ADTRP: variants seen among roughly 807,000 people sequenced by gnomAD.
ADTRP encodes androgen dependent TFPI regulating protein, also known as androgen-dependent TFPI-regulating protein.
ADTRP carries 20 observed loss-of-function variants against 27.0 expected under a neutral mutation model. The observed-to-expected ratio is 0.74, with a 90% CI of 0.52 to 1.08. ADTRP has a LOEUF of 1.08. Among genes scored for constraint, ADTRP ranks in the 50% least tolerant of loss-of-function variants. ADTRP has a pLI of 0.00. For missense variants in ADTRP, 251 were observed against 275.0 expected, an observed-to-expected ratio of 0.91 and a Z score of 0.62; for synonymous variants, 101 against 105.2, an observed-to-expected ratio of 0.96 and a Z score of 0.25.
At chr6:11,727,966 G>A (rs1338457238) in intron 4 of ADTRP, among the ~76,000 whole-genome samples, 7 of 129,322 alleles carry the variant, frequency 5.4e-5, no homozygotes, top group African/African-American at 2.1e-4. Flanking sequence ...AGGCAGGGAG[G>A]GAGGGAGGTA....
intron 3 of ADTRP, among the ~76,000 whole-genome samples, chr6:11,765,164 C>T (rs1763522685): frequency 6.6e-6 from 1 of 151,846 alleles, no homozygotes; most frequent in Non-Finnish European, 1.5e-5. Flanking sequence ...GGGCTTGTGG[C>T]AGGGGCAGTG....
intron 4 of ADTRP, chr6:11,728,394 T>C (rs1762284215): frequency 6.6e-6 from 1 of 152,558 alleles, no homozygotes; most frequent in Non-Finnish European, 1.5e-5. Context: ...CCTTTGTTTC[T>C]TGAGTGAACT....
intron 4 of ADTRP, among the ~76,000 whole-genome samples, chr6:11,734,476 G>T (rs1762481994): frequency 6.6e-6 from 1 of 152,164 alleles, no homozygotes; most frequent in Admixed American, 6.5e-5. Flanking sequence ...ACTGGAGTCT[G>T]GGGGTAGATT....
At chr6:11,770,350 C>G (rs1349211702) in intron 1 of ADTRP, among the ~76,000 whole-genome samples, 2 of 152,128 alleles carry the variant, frequency 1.3e-5, no homozygotes, top group Non-Finnish European at 2.9e-5. Context: ...GGAGGAACTT[C>G]CGTTTGGAAA....
At chr6:11,737,250 T>G (rs1432719062) in intron 3 of ADTRP, among the ~76,000 whole-genome samples, 1 of 152,114 alleles carries the variant, frequency 6.6e-6, no homozygotes, top group East Asian at 1.9e-4. Context: ...CTATCATTCC[T>G]CCTTCACTCC....
intron 1 of ADTRP, among the ~76,000 whole-genome samples, chr6:11,776,370 G>C (rs1301307972): frequency 2.6e-5 from 4 of 152,196 alleles, no homozygotes; most frequent in African/African-American, 9.7e-5. Flanking sequence ...GCCAGCCACT[G>C]TGCTGAATTC....
At chr6:11,747,355 T>C (rs4713849) in intron 3 of ADTRP, among the ~76,000 whole-genome samples, 47,846 of 152,122 alleles carry the variant, frequency 0.31, 9,073 homozygotes, top group Non-Finnish European at 0.43. Flanking sequence ...TTGTGCACTT[T>C]TTGGTTTCCA....
intron 3 of ADTRP, among the ~76,000 whole-genome samples, chr6:11,745,515 G>C (rs1360286830): frequency 6.6e-6 from 1 of 152,148 alleles, no homozygotes; most frequent in Non-Finnish European, 1.5e-5. Flanking sequence ...ACGACAGTAG[G>C]CAGCACCACA....
intron 3 of ADTRP, among the ~76,000 whole-genome samples, chr6:11,762,421 A>T (rs1763422104): frequency 6.6e-6 from 1 of 152,244 alleles, no homozygotes; most frequent in African/African-American, 2.4e-5. Flanking sequence ...AATAAATATC[A>T]ATCATAGTGT....
chr6:11,728,194 A>C (rs952719206), intron 4 of ADTRP: 15 of 152,346 alleles, frequency 9.8e-5, no homozygotes, highest in Non-Finnish European at 2.2e-4. Context: ...TTGTCTACCA[A>C]CTAGGCTTTC....
At position 11,735,588 on chromosome 6, in the gene ADTRP, G is replaced by A. The variant is rs1762521784; in HGVS notation, c.486C>T (p.Ala162=). The A allele has an allele frequency of 6.2e-7, 1 of 1,613,484 alleles. No homozygotes were observed. Among genetic ancestry groups the A allele is most frequent in the African/African-American group, 1.3e-5 (1 of 74,912 alleles). ...CTTACCGGCTGATGTAAGCAATGCT[G>A]GCAGCAGCCAGCAAGGTGAGTCCTG... ...KKTGLTLLAA[A]SIAYISRILW... is the part of the protein sequence containing the mutation. Residue 162 remains alanine (A), a synonymous_variant, in exon 4 of 6, where the codon GCC becomes GCT. Coordinates refer to ENST00000414691, the MANE Select transcript of ADTRP (RefSeq NM_032744.4).
chr6:11,727,791 T>C (rs1424512315), intron 4 of ADTRP, among the ~76,000 whole-genome samples: 1 of 151,964 alleles, frequency 6.6e-6, no homozygotes, highest in Non-Finnish European at 1.5e-5. Context: ...AAGATGATAG[T>C]AATTTACCAA....
At chr6:11,743,425 A>T (rs528534489) in intron 3 of ADTRP, among the ~76,000 whole-genome samples, 1 of 152,030 alleles carries the variant, frequency 6.6e-6, no homozygotes, top group South Asian at 2.1e-4. Context: ...CCACCTGAAG[A>T]CCTGGTTTCC....
intron 3 of ADTRP, among the ~76,000 whole-genome samples, chr6:11,746,628 T>C (rs1268751970): frequency 6.6e-6 from 1 of 152,180 alleles, no homozygotes; most frequent in African/African-American, 2.4e-5. Context: ...GCAAGGCTGA[T>C]TGACAAGAGT....
chr6:11,768,380 A>G lies in ADTRP; in HGVS notation c.157T>C (p.Leu53=). 1 of 1,614,184 alleles carries G rather than the reference A, an allele frequency of 6.2e-7. No individual in the cohort carries two copies. Among genetic ancestry groups the G allele is most frequent in the Non-Finnish European group, 8.5e-7 (1 of 1,180,016 alleles). Residue 53 remains leucine, a synonymous_variant, in exon 2 of 6, where the codon TTG becomes CTG. Transcript: ENST00000414691. Reference sequence around the variant, plus strand: ...GTGACCCCGTAGAAAATGGTCTGCAAGAGCTAAATCCATTACAACAAATGA... The same window carrying G: ...GTGACCCCGTAGAAAATGGTCTGCAGGAGCTAAATCCATTACAACAAATGA... ...WKYMTLLNLL[L]QTIFYGVTCL... is the part of the protein sequence containing the mutation.
At chr6:11,739,890 C>T (rs182692501) in intron 3 of ADTRP, among the ~76,000 whole-genome samples, 286 of 152,268 alleles carry the variant, frequency 1.9e-3, no homozygotes, top group African/African-American at 6.6e-3. Context: ...CACTCTTATC[C>T]TAAGTTTCCT....
chr6:11,725,899 C>CAAAAAAAAAAAAAAAA lies in ADTRP; in HGVS notation c.507-2415_507-2400dup, dbSNP rs59048593. On this transcript the variant is annotated intron_variant, in intron 4 of 5. Transcript: ENST00000414691. ...TGGGCGAGAGAATGAGACTCTATCT[C>CAAAAAAAAAAAAAAAA]AAAAAAAAAAAAAAAAGGAATTGAA... Among the ~76,000 whole-genome samples, 9 of 89,922 alleles carry CAAAAAAAAAAAAAAAA rather than the reference C, an allele frequency of 1.0e-4. 1 individual carries two copies. The highest frequency in any genetic ancestry group is 2.5e-4 in the African/African-American group (6 of 23,670). 59.0% of individuals were successfully genotyped at this position (89,922 alleles called of 152,430 possible).
chr6:11,723,763 A>G (rs1762093128), intron 4 of ADTRP, among the ~76,000 whole-genome samples: 2 of 152,166 alleles, frequency 1.3e-5, no homozygotes, highest in Non-Finnish European at 2.9e-5. Context: ...GTGAAAAAAT[A>G]TAAGAGAACA....
chr6:11,721,641 A>AC (rs1278039200), intron 5 of ADTRP, among the ~76,000 whole-genome samples: 7 of 152,168 alleles, frequency 4.6e-5, no homozygotes, highest in African/African-American at 1.7e-4. Flanking sequence ...ATCTAGAAAG[A>AC]CCTCGAGAGG....
Sources: gnomAD v4.1 joint callset for allele counts (sites outside exome capture counted in the v4.1 genomes callset) on GRCh38, gnomAD v4.1.1 for gene constraint, MANE v1.5 for transcripts, NCBI Gene and HGNC (gene_info 2026-07-23, HGNC 2026-07-21) for gene names.